ARL8B: variants seen among roughly 807,000 people sequenced by gnomAD.
The protein encoded by ARL8B is ADP-ribosylation factor-like protein 8B.
In ARL8B, 9 loss-of-function variants were observed where a neutral mutation model predicts 30.6. The observed-to-expected ratio is 0.29, with a 90% confidence interval of 0.18 to 0.51. The LOEUF is 0.51. Among genes scored for constraint, ARL8B ranks in the 20% least tolerant of loss-of-function variants. The pLI is 0.97. For missense variants in ARL8B, 130 were observed against 227.2 expected (o/e 0.57, Z 2.75); for synonymous variants, 74 against 76.0 (o/e 0.97, Z 0.14).
At chr3:5,155,909 G>C (rs2106564546) in intron 1 of ARL8B, among the ~76,000 whole-genome samples, 1 of 144,872 alleles carries the variant, frequency 6.9e-6, no homozygotes, top group African/African-American at 2.6e-5. Flanking sequence ...TGTGTGTGTT[G>C]TTTTTGTTTT....
intron 1 of ARL8B, among the ~76,000 whole-genome samples, chr3:5,131,466 C>T (rs1280178873): frequency 6.6e-6 from 1 of 151,714 alleles, no homozygotes; most frequent in Non-Finnish European, 1.5e-5. Context: ...TCTCGGCTCA[C>T]TGCAACCTCC....
chr3:5,143,612 C>T (rs187530999), intron 1 of ARL8B, among the ~76,000 whole-genome samples: 16 of 152,322 alleles, frequency 1.1e-4, no homozygotes, highest in South Asian at 2.1e-4. Flanking sequence ...CCTGTTCAGC[C>T]GTTTGCACGG....
At chr3:5,172,320 A>C in intron 3 of ARL8B, 97 bp downstream of exon 3, 158 of 1,069,974 alleles carry the variant, frequency 1.5e-4, no homozygotes, top group Non-Finnish European at 2.0e-4. Flanking sequence ...TTTTTATCTC[A>C]GGCAGTGAAA....
At chr3:5,133,035 A>G (rs922052526) in intron 1 of ARL8B, among the ~76,000 whole-genome samples, 1 of 152,194 alleles carries the variant, frequency 6.6e-6, no homozygotes, top group African/African-American at 2.4e-5. Context: ...TTTGGGCAGC[A>G]TAAATATAAT....
Position 5,167,770 on chromosome 3 carries a change from A to T in ARL8B, c.124-2733A>T, listed in dbSNP as rs7633908. Among the ~76,000 whole-genome samples the T allele has an allele frequency of 3.3e-3, 509 of 152,328 alleles. 4 individuals are homozygous for T. Among genetic ancestry groups the T allele is most frequent in the African/African-American group, 0.012 (488 of 41,566 alleles). ...TAAATTTGTTAAAATAAGTAGAATG[A>T]TATACTACTAAGTAGTATTTTCTAA... On this transcript the variant is annotated intron_variant, in intron 1 of 6. Coordinates refer to ENST00000256496, the MANE Select transcript of ARL8B (RefSeq NM_018184.3).
At chr3:5,152,132 T>G (rs2054490302) in intron 1 of ARL8B, among the ~76,000 whole-genome samples, 1 of 152,238 alleles carries the variant, frequency 6.6e-6, no homozygotes, top group African/African-American at 2.4e-5. Flanking sequence ...TTGGTTGTTG[T>G]GGTAAGTTCT....
intron 1 of ARL8B, among the ~76,000 whole-genome samples, chr3:5,124,920 G>A (rs937122295): frequency 6.6e-6 from 1 of 152,184 alleles, no homozygotes; most frequent in East Asian, 1.9e-4. Context: ...ATGTGGATAG[G>A]TGTATTAATA....
At chr3:5,173,187 G>C (rs1036388452) in intron 4 of ARL8B, among the ~76,000 whole-genome samples, 1 of 152,184 alleles carries the variant, frequency 6.6e-6, no homozygotes, top group Non-Finnish European at 1.5e-5. Context: ...TAATGGTTGA[G>C]CTGAGATCCA....
intron 4 of ARL8B, among the ~76,000 whole-genome samples, chr3:5,173,740 A>G (rs1232883452): frequency 6.6e-6 from 1 of 151,890 alleles, no homozygotes; most frequent in East Asian, 1.9e-4. Flanking sequence ...CAAACAAACA[A>G]ACAAAAAGAA....
intron 1 of ARL8B, among the ~76,000 whole-genome samples, chr3:5,153,074 T>G (rs551239946): frequency 3.5e-3 from 533 of 152,334 alleles, no homozygotes; most frequent in Non-Finnish European, 6.3e-3. Context: ...TTGCAGTGGT[T>G]CTTCTAGAGT....
intron 1 of ARL8B, among the ~76,000 whole-genome samples, chr3:5,159,602 C>CAAAAAAAAAAAAAAAAAAAAAGAA (rs2054563239): frequency 2.6e-5 from 2 of 77,062 alleles, no homozygotes; most frequent in Non-Finnish European, 5.1e-5. Context: ...AACTCCGTCT[C>CAAAAAAAAAAAAAAAAAAAAAGAA]AAAAAAAAAA....
chr3:5,176,934 A>T (rs913655294), intron 6 of ARL8B, among the ~76,000 whole-genome samples: 5 of 152,232 alleles, frequency 3.3e-5, no homozygotes, highest in Admixed American at 6.5e-5. Flanking sequence ...TAGATACCAG[A>T]AATGTAGCTA....
intron 1 of ARL8B, among the ~76,000 whole-genome samples, chr3:5,141,929 T>C (rs191131026): frequency 1.1e-3 from 175 of 152,254 alleles, no homozygotes; most frequent in African/African-American, 4.0e-3. Flanking sequence ...CACAGAAGAG[T>C]GCTGACTCAA....
At chr3:5,160,287 G>A (rs2054569733) in intron 1 of ARL8B, among the ~76,000 whole-genome samples, 1 of 152,208 alleles carries the variant, frequency 6.6e-6, no homozygotes, top group South Asian at 2.1e-4. Context: ...CTGCTGGTTG[G>A]TTGACAAGGG....
chr3:5,122,411 C>T lies in ARL8B; in HGVS notation c.-55C>T, dbSNP rs746197965. ...GGCGGAGGCCCGCTCGTGTGGAAGT[C>T]GTCGACGCCGCCGCTCGTCCGTCCT... is the stretch of plus-strand genomic sequence containing the variant. On this transcript the variant is annotated 5_prime_UTR_variant, in exon 1 of 7. Transcript: ENST00000256496. 7 of 1,607,680 alleles carry T rather than the reference C, an allele frequency of 4.4e-6. No individual in the cohort carries two copies. The highest frequency in any genetic ancestry group is 5.9e-6 in the Non-Finnish European group (7 of 1,178,082).
At chr3:5,150,845 G>A (rs372541050) in intron 1 of ARL8B, among the ~76,000 whole-genome samples, 3 of 152,070 alleles carry the variant, frequency 2.0e-5, no homozygotes, top group Admixed American at 6.6e-5. Flanking sequence ...TTCTAGTCCC[G>A]GGATTTCTTT....
chr3:5,141,013 G>A (rs1003298304), intron 1 of ARL8B, among the ~76,000 whole-genome samples: 3 of 152,178 alleles, frequency 2.0e-5, no homozygotes, highest in Non-Finnish European at 2.9e-5. Flanking sequence ...CATTGGTTGA[G>A]TACTATGGGG....
intron 1 of ARL8B, among the ~76,000 whole-genome samples, chr3:5,125,048 C>T (rs2054218445): frequency 6.6e-6 from 1 of 152,174 alleles, no homozygotes; most frequent in Admixed American, 6.5e-5. Flanking sequence ...GACAGTGTAG[C>T]TTAATGAGCA....
chr3:5,145,729 A>G (rs947357926), intron 1 of ARL8B, among the ~76,000 whole-genome samples: 3 of 152,296 alleles, frequency 2.0e-5, no homozygotes, highest in Non-Finnish European at 2.9e-5. Flanking sequence ...CAGATACACA[A>G]TCTTTGTCTT....
Sources: gnomAD v4.1 joint callset for allele counts (sites outside exome capture counted in the v4.1 genomes callset) on GRCh38, gnomAD v4.1.1 for gene constraint, MANE v1.5 for transcripts, NCBI Gene and HGNC (gene_info 2026-07-23, HGNC 2026-07-21) for gene names.